The following TRIQK variants were observed in gnomAD, a reference collection of about 807,000 sequenced individuals.
The protein encoded by TRIQK is triple QxxK/R motif containing.
In TRIQK, 10 loss-of-function variants were observed where a neutral mutation model predicts 10.8. That is an observed-to-expected ratio of 0.92 (90% confidence interval 0.57 to 1.57). The LOEUF (loss-of-function observed/expected upper bound fraction) is 1.57. Ranked by LOEUF, TRIQK falls within the 40% of genes most tolerant of loss-of-function variation. The pLI is 0.00. For synonymous variants in TRIQK, 33 were observed against 33.7 expected, an observed-to-expected ratio of 0.98 and a Z score of 0.07; for missense variants, 107 against 97.7, an observed-to-expected ratio of 1.09 and a Z score of -0.40.
intron 2 of TRIQK, among the ~76,000 whole-genome samples, chr8:92,942,573 C>T (rs1811322790): frequency 6.6e-6 from 1 of 152,110 alleles, no homozygotes; most frequent in African/African-American, 2.4e-5. Context: ...ATTAAAAGGC[C>T]TCCAAGTTGG....
At chr8:92,958,495 G>A (rs575580024) in intron 1 of TRIQK, among the ~76,000 whole-genome samples, 124 of 151,748 alleles carry the variant, frequency 8.2e-4, no homozygotes, top group African/African-American at 2.9e-3. Context: ...ATAATATTGA[G>A]ATATTACCTG....
chr8:92,915,345 G>A (rs1024044473), intron 3 of TRIQK, among the ~76,000 whole-genome samples: 2 of 152,250 alleles, frequency 1.3e-5, no homozygotes, highest in South Asian at 4.1e-4. Flanking sequence ...GCTGAGAGTA[G>A]ATTTTAGGAC....
chr8:92,899,250 C>T (rs1271818133), intron 3 of TRIQK, among the ~76,000 whole-genome samples: 1 of 151,814 alleles, frequency 6.6e-6, no homozygotes, highest in Non-Finnish European at 1.5e-5. Context: ...CCAAATCACA[C>T]CTGGGATTAC....
intron 1 of TRIQK, among the ~76,000 whole-genome samples, chr8:93,015,895 G>A (rs1813379645): frequency 6.6e-6 from 1 of 151,868 alleles, no homozygotes; most frequent in African/African-American, 2.4e-5. Context: ...CCTAATGAGT[G>A]TTCTCCACAA....
chr8:92,906,462 C>T lies in TRIQK; in HGVS notation c.61+10467G>A, dbSNP rs545358528. Among the ~76,000 whole-genome samples the T allele has an allele frequency of 4.6e-5, 7 of 152,068 alleles. 1 individual carries two copies. The South Asian group carries it at 1.5e-3, about 32-fold the overall frequency. On this transcript the variant is annotated intron_variant, in intron 3 of 4. Coordinates refer to ENST00000521988, the MANE Select transcript of TRIQK (RefSeq NM_001171797.2). ...TTTTAAATTTTTAAAGGCAAAGACC[C>T]TCAGTAAACTAAGGTTCTTGAATTA...
At chr8:92,933,407 C>A (rs774452730) in intron 2 of TRIQK, among the ~76,000 whole-genome samples, 3 of 152,058 alleles carry the variant, frequency 2.0e-5, no homozygotes, top group Non-Finnish European at 4.4e-5. Context: ...TATAGACCAA[C>A]TTGGTGATAA....
chr8:92,921,996 C>T (rs907077071), intron 2 of TRIQK, among the ~76,000 whole-genome samples: 19 of 151,876 alleles, frequency 1.3e-4, no homozygotes, highest in Non-Finnish European at 2.5e-4. Flanking sequence ...CAGCTAAAAA[C>T]CTATTTTTCT....
At chr8:92,930,163 A>G (rs951119266) in intron 2 of TRIQK, among the ~76,000 whole-genome samples, 5 of 151,722 alleles carry the variant, frequency 3.3e-5, no homozygotes, top group Non-Finnish European at 7.4e-5. Flanking sequence ...AGATCACCAG[A>G]GGTCGGGAGT....
intron 2 of TRIQK, among the ~76,000 whole-genome samples, chr8:92,932,997 G>C (rs984579316): frequency 1.3e-5 from 2 of 151,978 alleles, no homozygotes; most frequent in Admixed American, 1.3e-4. Context: ...ATTTCTCTAA[G>C]GGCCCACTTC....
chr8:92,994,042 T>C (rs1813125544), intron 1 of TRIQK, among the ~76,000 whole-genome samples: 1 of 152,172 alleles, frequency 6.6e-6, no homozygotes, highest in Non-Finnish European at 1.5e-5. Flanking sequence ...TGTTTCTCCT[T>C]GTGTGGATGG....
At position 92,974,676 on chromosome 8, in the gene TRIQK, G is replaced by A. The variant is rs895098567; in HGVS notation, c.-180-20112C>T. The A allele has an allele frequency of 5.0e-4, 76 of 152,436 alleles. 2 individuals are homozygous for A. The highest frequency in any genetic ancestry group is 4.6e-3 in the Admixed American group (70 of 15,296). 9.4% of individuals were successfully genotyped at this position (152,436 alleles called of 1,614,324 possible). On this transcript the variant is annotated intron_variant, in intron 1 of 4. Transcript: ENST00000520686. ...ACATCCAGCAATCTCATCAATTGCA[G>A]ACTGTAATCCAGGCTTTCCTGAGCC...
intron 1 of TRIQK, among the ~76,000 whole-genome samples, chr8:93,003,328 G>C (rs952664448): frequency 6.6e-6 from 1 of 151,794 alleles, no homozygotes; most frequent in Admixed American, 6.6e-5. Flanking sequence ...GAGAGAGAGA[G>C]AGAGAGAGAG....
At chr8:92,954,039 A>C (rs1266184965) in intron 2 of TRIQK, 2 of 151,950 alleles carry the variant, frequency 1.3e-5, no homozygotes, top group African/African-American at 4.8e-5. Context: ...CCAATACATA[A>C]TTATCAAAAT....
At chr8:92,972,692 A>G (rs901871693) in intron 1 of TRIQK, 1 of 152,314 alleles carries the variant, frequency 6.6e-6, no homozygotes, top group African/African-American at 2.4e-5. Context: ...GGATAAGGCC[A>G]ATCCCACTAA....
intron 1 of TRIQK, chr8:92,973,085 C>A (rs1254320556): frequency 6.6e-6 from 1 of 152,138 alleles, no homozygotes; most frequent in Non-Finnish European, 1.5e-5. Context: ...AGACTCAAAG[C>A]AAATGTGAGG....
At chr8:92,933,804 T>A (rs865965429) in intron 2 of TRIQK, among the ~76,000 whole-genome samples, 1 of 152,098 alleles carries the variant, frequency 6.6e-6, no homozygotes. Context: ...CATCACTTAA[T>A]CTAAGGTTTA....
At position 92,884,475 on chromosome 8, in the gene TRIQK, T is replaced by G; in HGVS notation, c.*2147A>C. On this transcript the variant is annotated 3_prime_UTR_variant, in exon 5 of 5. Transcript: ENST00000521988. ...ATCATAAATCAATCAGTCATACGAA[T>G]GGACTAGCTGTAGACTCAGGATATC... 1 of 230,778 alleles carries G rather than the reference T, an allele frequency of 4.3e-6. No homozygotes were observed. The highest frequency in any genetic ancestry group is 1.1e-4 in the East Asian group (1 of 9,136). 14.3% of individuals were successfully genotyped at this position (230,778 alleles called of 1,614,324 possible). A position where few individuals can be genotyped will look rare whatever the true frequency, so the allele number is the denominator to read the frequency against.
At chr8:92,936,557 A>G (rs1278829961) in intron 2 of TRIQK, among the ~76,000 whole-genome samples, 1 of 151,730 alleles carries the variant, frequency 6.6e-6, no homozygotes, top group Non-Finnish European at 1.5e-5. Context: ...GCAAACAAAC[A>G]AAGCAAAGAT....
intron 1 of TRIQK, chr8:92,974,137 C>G (rs1035189856): frequency 6.6e-6 from 1 of 152,290 alleles, no homozygotes; most frequent in Admixed American, 6.5e-5. Flanking sequence ...AAGTGGAGCT[C>G]TTTGGCCAGG....
Sources: gnomAD v4.1 joint callset for allele counts (sites outside exome capture counted in the v4.1 genomes callset) on GRCh38, gnomAD v4.1.1 for gene constraint, MANE v1.5 for transcripts, NCBI Gene and HGNC (gene_info 2026-07-23, HGNC 2026-07-21) for gene names.